PALM2AKAP2: variants seen among roughly 807,000 people sequenced by gnomAD.
PALM2AKAP2 encodes PALM2-AKAP2 fusion protein.
PALM2AKAP2 carries 37 observed loss-of-function variants against 71.5 expected under a neutral mutation model. The observed-to-expected ratio is 0.52, with a 90% CI of 0.40 to 0.68. PALM2AKAP2 has a LOEUF of 0.68. PALM2AKAP2 is among the 30% of genes least tolerant of loss of function. The pLI is 0.00. For missense variants in PALM2AKAP2, 1,224 were observed against 1,191.8 expected, an observed-to-expected ratio of 1.03 and a Z score of -0.40; for synonymous variants, 468 against 478.8, an observed-to-expected ratio of 0.98 and a Z score of 0.29.
At chr9:110,106,100 A>C (rs1268419196) in intron 1 of PALM2AKAP2, among the ~76,000 whole-genome samples, 1 of 152,250 alleles carries the variant, frequency 6.6e-6, no homozygotes, top group Non-Finnish European at 1.5e-5. Flanking sequence ...GAAATTAGTA[A>C]GTGGCTACAT....
intron 7 of PALM2AKAP2, among the ~76,000 whole-genome samples, chr9:110,023,280 G>A (rs1218403445): frequency 1.4e-5 from 2 of 144,274 alleles, no homozygotes; most frequent in African/African-American, 2.6e-5. Flanking sequence ...TCTAACTGGT[G>A]TGAGATGGTA....
At chr9:109,725,037 C>T (rs1017108811) in intron 1 of PALM2AKAP2, among the ~76,000 whole-genome samples, 1 of 151,980 alleles carries the variant, frequency 6.6e-6, no homozygotes, top group African/African-American at 2.4e-5. Flanking sequence ...ACAATTTATA[C>T]AAGAAGAAAT....
At chr9:109,773,567 C>G (rs75128093) in intron 1 of PALM2AKAP2, among the ~76,000 whole-genome samples, 16 of 152,244 alleles carry the variant, frequency 1.1e-4, no homozygotes, top group Admixed American at 4.6e-4. Context: ...TTCTCATTCA[C>G]GAACTTTAAA....
chr9:109,701,981 C>A (rs1828068143), intron 1 of PALM2AKAP2, among the ~76,000 whole-genome samples: 1 of 152,188 alleles, frequency 6.6e-6, no homozygotes, highest in Non-Finnish European at 1.5e-5. Flanking sequence ...CCAAAAGACA[C>A]ACGAAAAAAT....
chr9:109,757,802 T>C (rs1353232599), intron 1 of PALM2AKAP2, among the ~76,000 whole-genome samples: 5 of 152,130 alleles, frequency 3.3e-5, no homozygotes, highest in Admixed American at 6.6e-5. Flanking sequence ...GACTTAGTGA[T>C]AGAAAAGGGA....
At chr9:109,906,308 C>T (rs528663881) in intron 3 of PALM2AKAP2, among the ~76,000 whole-genome samples, 21 of 152,348 alleles carry the variant, frequency 1.4e-4, no homozygotes, top group Middle Eastern at 6.8e-3. Context: ...AAGCAATTCT[C>T]CTGCCTCAGC....
At chr9:109,798,512 C>T (rs370971688) in intron 1 of PALM2AKAP2, among the ~76,000 whole-genome samples, 133 of 152,330 alleles carry the variant, frequency 8.7e-4, no homozygotes, top group African/African-American at 3.0e-3. Flanking sequence ...CCCTCTGTCT[C>T]CTGTCAAAGC....
At chr9:109,727,667 A>C (rs555256214) in intron 1 of PALM2AKAP2, among the ~76,000 whole-genome samples, 13 of 152,358 alleles carry the variant, frequency 8.5e-5, no homozygotes, top group African/African-American at 3.1e-4. Flanking sequence ...GCAGAACAGC[A>C]AAGTGAAAGC....
intron 1 of PALM2AKAP2, among the ~76,000 whole-genome samples, chr9:109,809,488 C>G (rs1033951283): frequency 6.6e-6 from 1 of 152,228 alleles, no homozygotes; most frequent in Non-Finnish European, 1.5e-5. Flanking sequence ...GTATATTTAC[C>G]TAATGCCTGT....
At chr9:109,913,905 C>T (rs565150643) in intron 3 of PALM2AKAP2, among the ~76,000 whole-genome samples, 8 of 151,916 alleles carry the variant, frequency 5.3e-5, no homozygotes, top group African/African-American at 1.7e-4. Context: ...TACAGGCGCC[C>T]GCCACTACGC....
At chr9:109,650,862 A>G (rs2052439229) in intron 1 of PALM2AKAP2, among the ~76,000 whole-genome samples, 2 of 152,236 alleles carry the variant, frequency 1.3e-5, no homozygotes, top group South Asian at 4.1e-4. Context: ...CGAAAATAAT[A>G]TTAGTAACTA....
intron 6 of PALM2AKAP2, among the ~76,000 whole-genome samples, chr9:110,014,331 A>T (rs1832932334): frequency 6.6e-6 from 1 of 152,206 alleles, no homozygotes; most frequent in African/African-American, 2.4e-5. Flanking sequence ...ACATTAGGTT[A>T]TGAGCACTTA....
intron 1 of PALM2AKAP2, among the ~76,000 whole-genome samples, chr9:109,703,636 C>T (rs1325702246): frequency 6.6e-6 from 1 of 151,998 alleles, no homozygotes; most frequent in Non-Finnish European, 1.5e-5. Context: ...CCGAGAATAA[C>T]TGCTTATTTA....
At chr9:109,790,838 G>C (rs1827095005) in intron 1 of PALM2AKAP2, among the ~76,000 whole-genome samples, 1 of 152,154 alleles carries the variant, frequency 6.6e-6, no homozygotes, top group Non-Finnish European at 1.5e-5. Context: ...AAAGCTTAAG[G>C]CTAATATGAG....
exon 4 of PALM2AKAP2, chr9:110,169,814 G>A (rs1564346331): frequency 6.6e-6 from 1 of 151,224 alleles, no homozygotes; most frequent in Non-Finnish European, 1.5e-5. Context: ...CATGAGTAAG[G>A]GTGTGTGTGT....
intron 1 of PALM2AKAP2, among the ~76,000 whole-genome samples, chr9:109,819,207 C>T (rs909523991): frequency 1.2e-4 from 19 of 152,156 alleles, no homozygotes; most frequent in African/African-American, 4.6e-4. Flanking sequence ...TTGTAATATT[C>T]TATCCAACAT....
intron 7 of PALM2AKAP2, among the ~76,000 whole-genome samples, chr9:110,039,140 G>A (rs867453325): frequency 3.3e-5 from 5 of 151,534 alleles, no homozygotes; most frequent in Middle Eastern, 3.4e-3. Context: ...ACCCAGCTAC[G>A]CAGGAGGCTG....
intron 3 of PALM2AKAP2, among the ~76,000 whole-genome samples, chr9:109,890,077 A>G (rs1181189789): frequency 6.6e-6 from 1 of 152,078 alleles, no homozygotes. Flanking sequence ...GTCATTTCCA[A>G]CCGTTCTACA....
At chr9:109,763,262 T>C (rs1156790701) in intron 1 of PALM2AKAP2, among the ~76,000 whole-genome samples, 3 of 152,068 alleles carry the variant, frequency 2.0e-5, no homozygotes, top group Non-Finnish European at 4.4e-5. Context: ...CTGCCCACCA[T>C]CCATTGCCAG....
Sources: allele counts gnomAD v4.1 joint callset (sites outside exome capture counted in the v4.1 genomes callset), GRCh38; gene constraint gnomAD v4.1.1; transcripts MANE v1.5; gene names NCBI Gene and HGNC (gene_info 2026-07-23, HGNC 2026-07-21).